Variants in ST7L observed in about 807,000 individuals in gnomAD.
The protein encoded by ST7L is suppression of tumorigenicity 7 like, also known as suppressor of tumorigenicity 7 protein-like.
Under a neutral mutation model 72.5 loss-of-function variants are expected in ST7L, and 57 were observed. That is an observed-to-expected ratio of 0.79 (90% confidence interval 0.64 to 0.98). ST7L has a LOEUF of 0.98. ST7L is among the 50% of genes least tolerant of loss of function. ST7L has a pLI of 0.00. For missense variants in ST7L, 576 were observed against 672.2 expected (o/e 0.86, Z 1.58); for synonymous variants, 221 against 240.9 (o/e 0.92, Z 0.77).
At chr1:112,571,454 T>G (rs968884658) in intron 11 of ST7L, 1 of 283,088 alleles carries the variant, frequency 3.5e-6, no homozygotes, top group African/African-American at 2.3e-5. Flanking sequence ...TGAGACAGAG[T>G]TTCGCTCTTG....
At chr1:112,584,368 CAA>C (rs1434739900) in intron 6 of ST7L, among the ~76,000 whole-genome samples, 2 of 146,702 alleles carry the variant, frequency 1.4e-5, no homozygotes, top group Admixed American at 1.4e-4. Context: ...AAAAAAAAAA[CAA>C]AATTTTTAAA....
chr1:112,521,407 T>C (rs1652874755), downstream of ST7L: 1 of 149,130 alleles, frequency 6.7e-6, no homozygotes, highest in Non-Finnish European at 1.5e-5. Context: ...AAAAGAAAGA[T>C]AGGCAACTCA....
At chr1:112,580,358 G>A (rs1389594056) in intron 9 of ST7L, among the ~76,000 whole-genome samples, 2 of 152,120 alleles carry the variant, frequency 1.3e-5, no homozygotes, top group African/African-American at 4.8e-5. Context: ...TCACCATGTT[G>A]CTCAAGCTGG....
At chr1:112,588,714 A>G (rs753222232) in intron 6 of ST7L, among the ~76,000 whole-genome samples, 3 of 152,152 alleles carry the variant, frequency 2.0e-5, no homozygotes, top group Non-Finnish European at 4.4e-5. Context: ...CGTATGTTGA[A>G]CCATTCTTGC....
At chr1:112,555,522 G>A (rs112385188) in intron 12 of ST7L, among the ~76,000 whole-genome samples, 3,065 of 152,006 alleles carry the variant, frequency 0.02, 105 homozygotes, top group African/African-American at 0.069. Flanking sequence ...CAGAGATTGC[G>A]CCACTGCACT....
At chr1:112,610,215 C>T (rs899886645) in intron 3 of ST7L, among the ~76,000 whole-genome samples, 2 of 152,062 alleles carry the variant, frequency 1.3e-5, no homozygotes, top group Non-Finnish European at 2.9e-5. Context: ...GACCTTACCC[C>T]GGATTTCTTT....
chr1:112,587,557 C>T (rs563249163), intron 6 of ST7L, among the ~76,000 whole-genome samples: 4 of 152,312 alleles, frequency 2.6e-5, no homozygotes, highest in South Asian at 2.1e-4. Context: ...GAGCCGAGAT[C>T]GTGCCATTGC....
intron 5 of ST7L, among the ~76,000 whole-genome samples, chr1:112,592,779 G>A (rs888986226): frequency 6.6e-6 from 1 of 151,980 alleles, no homozygotes; most frequent in African/African-American, 2.4e-5. Flanking sequence ...CCTTTTGATG[G>A]ACAATTAAGT....
At chr1:112,544,862 T>C (rs1454555155) in intron 13 of ST7L, among the ~76,000 whole-genome samples, 1 of 152,232 alleles carries the variant, frequency 6.6e-6, no homozygotes, top group Non-Finnish European at 1.5e-5. Flanking sequence ...GATTCATTTG[T>C]CAGTCAATGT....
chr1:112,571,204 A>T, intron 11 of ST7L: 1 of 412,268 alleles, frequency 2.4e-6, no homozygotes, highest in South Asian at 1.8e-5. Context: ...CTTAATAATT[A>T]TTGTGTTTCA....
intron 11 of ST7L, among the ~76,000 whole-genome samples, chr1:112,564,817 C>CAAAAA (rs780771291): frequency 9.3e-5 from 4 of 43,098 alleles, no homozygotes; most frequent in Admixed American, 2.6e-4. Flanking sequence ...AACTGCATCT[C>CAAAAA]AAAAAAAAAA....
At chr1:112,574,530 G>A (rs188071455) in intron 11 of ST7L, among the ~76,000 whole-genome samples, 3,374 of 151,518 alleles carry the variant, frequency 0.022, 106 homozygotes, top group African/African-American at 0.068. Context: ...GTGGTGGCGG[G>A]CGCCTGCAGT....
intron 14 of ST7L, among the ~76,000 whole-genome samples, chr1:112,530,390 T>C (rs761946574): frequency 3.3e-5 from 5 of 152,194 alleles, no homozygotes; most frequent in African/African-American, 4.8e-5. Context: ...GCCTAATTTG[T>C]ATAAACTCAA....
At chr1:112,597,754 G>A (rs1411673417) in intron 5 of ST7L, among the ~76,000 whole-genome samples, 4 of 151,734 alleles carry the variant, frequency 2.6e-5, no homozygotes, top group Non-Finnish European at 5.9e-5. Context: ...TTTTGAAGTA[G>A]TAAAAGAAAT....
intron 3 of ST7L, among the ~76,000 whole-genome samples, chr1:112,610,015 A>G (rs1668836151): frequency 1.3e-5 from 2 of 152,012 alleles, no homozygotes; most frequent in African/African-American, 4.8e-5. Context: ...TTTATTAGTC[A>G]TAAGATTCCC....
At chr1:112,581,024 C>T (rs1279191650) in intron 9 of ST7L, among the ~76,000 whole-genome samples, 2 of 152,212 alleles carry the variant, frequency 1.3e-5, no homozygotes, top group Non-Finnish European at 2.9e-5. Context: ...CTTTTACTGG[C>T]TGGGAGACCT....
chr1:112,617,522 G>A (rs958657024), intron 1 of ST7L, among the ~76,000 whole-genome samples: 3 of 152,096 alleles, frequency 2.0e-5, no homozygotes, highest in Non-Finnish European at 4.4e-5. Flanking sequence ...GACCAGCCTG[G>A]GCAAATAAAA....
intron 13 of ST7L, among the ~76,000 whole-genome samples, chr1:112,542,400 A>G (rs1441113395): frequency 1.3e-5 from 2 of 152,158 alleles, no homozygotes; most frequent in East Asian, 1.9e-4. Context: ...GTGATCTTGA[A>G]TAAGTTGCTA....
At chr1:112,566,833 A>G (rs761876728) in intron 11 of ST7L, among the ~76,000 whole-genome samples, 2 of 152,064 alleles carry the variant, frequency 1.3e-5, no homozygotes, top group Non-Finnish European at 2.9e-5. Context: ...ATACCACTGT[A>G]TTGTAACTTA....
Sources: gnomAD v4.1 joint callset for allele counts (sites outside exome capture counted in the v4.1 genomes callset) on GRCh38, gnomAD v4.1.1 for gene constraint, MANE v1.5 for transcripts, NCBI Gene and HGNC (gene_info 2026-07-23, HGNC 2026-07-21) for gene names.